The following MIGA2 variants were observed in gnomAD, a reference collection of about 807,000 sequenced individuals.
MIGA2 encodes the protein family with sequence similarity 73, member B.
MIGA2 carries 36 observed loss-of-function variants against 69.9 expected under a neutral mutation model. The observed-to-expected ratio is 0.52, with a 90% confidence interval of 0.39 to 0.68. The LOEUF is 0.68. MIGA2 is among the 30% of genes least tolerant of loss of function. The pLI, the probability that MIGA2 is intolerant of heterozygous loss-of-function variation, is 0.00. For missense variants in MIGA2, 660 were observed against 787.7 expected (o/e 0.84, Z 1.94); for synonymous variants, 333 against 349.2 (o/e 0.95, Z 0.52).
chr9:129,048,577 C>T (rs745961814), intron 4 of MIGA2, 38 bp downstream of exon 4: 25 of 1,544,560 alleles, frequency 1.6e-5, no homozygotes, highest in Middle Eastern at 1.7e-4. Flanking sequence ...GCTCCAGGTC[C>T]GGGCTTACCC....
chr9:129,067,042 A>G lies in MIGA2; in HGVS notation c.1171-731A>G, dbSNP rs549714353. ...TCCCAGCTACTTGGGAGGCTAAGGCAGGAGAATGGCGTGAACCCGGGAGGC... is the reference window on the plus strand; with the variant it reads ...TCCCAGCTACTTGGGAGGCTAAGGCGGGAGAATGGCGTGAACCCGGGAGGC... On this transcript the variant is annotated intron_variant, in intron 11 of 15. Coordinates refer to ENST00000684074, the MANE Select transcript of MIGA2 (RefSeq NM_001329990.2). 4.7e-5 allele frequency among the ~76,000 whole-genome samples: 7 copies of G among 149,352 alleles called. No individual in the cohort carries two copies. The East Asian group carries it at 1.4e-3, about 30-fold the overall frequency.
intron 6 of MIGA2, among the ~76,000 whole-genome samples, chr9:129,056,140 A>C (rs79186142): frequency 9.3e-5 from 14 of 150,192 alleles, no homozygotes; most frequent in Middle Eastern, 6.9e-3. Context: ...AAAAAAAAAA[A>C]AAAAAAAAAC....
intron 11 of MIGA2, among the ~76,000 whole-genome samples, chr9:129,064,991 C>T (rs547188749): frequency 1.3e-5 from 2 of 152,068 alleles, no homozygotes; most frequent in South Asian, 4.2e-4. Flanking sequence ...CTATGTTGCC[C>T]AGGAAGATCT....
chr9:129,058,548 A>G (rs17455580), intron 6 of MIGA2, among the ~76,000 whole-genome samples: 32 of 125,474 alleles, frequency 2.6e-4, no homozygotes, highest in East Asian at 1.8e-3. Context: ...CGCCCAGGCT[A>G]GAGTGCAATG....
rs1250923499 is a variant in MIGA2 at position 129,069,011 on chromosome 9, A to G, written c.1405-65A>G. 5.0e-6 allele frequency: 8 copies of G among 1,595,576 alleles called. No individual in the cohort carries two copies. Among genetic ancestry groups the G allele is most frequent in the African/African-American group, 1.3e-5 (1 of 74,556 alleles). On this transcript the variant is annotated intron_variant, in intron 13 of 15. Coordinates refer to ENST00000684074, the MANE Select transcript of MIGA2 (RefSeq NM_001329990.2). The surrounding 1 kb of genome is among the most constrained non-coding windows in gnomAD (Gnocchi z 4.9). ...TTTAAGGGCTTGGTGCTGGGCTGGC[A>G]GAGGGCGAGGGGCTGTGGGCTAGGC...
intron 6 of MIGA2, among the ~76,000 whole-genome samples, chr9:129,054,352 GGAGGCTGAGGCAGTAGGATCCCTT>G (rs1437638695): frequency 6.6e-6 from 1 of 152,108 alleles, no homozygotes; most frequent in African/African-American, 2.4e-5. Flanking sequence ...CAGCTACTCA[GGAGGCTGAGGCAGTAGGATCCCTT>G]GAGCCCAGAA....
chr9:129,043,775 A>C (rs1310704781), intron 3 of MIGA2, among the ~76,000 whole-genome samples: 1 of 151,154 alleles, frequency 6.6e-6, no homozygotes, highest in Non-Finnish European at 1.5e-5. Context: ...ATCTTGGCTC[A>C]CTGCAACCTC....
chr9:129,045,463 A>AGC (rs1554839072), intron 3 of MIGA2, among the ~76,000 whole-genome samples: 7 of 144,858 alleles, frequency 4.8e-5, no homozygotes, highest in Non-Finnish European at 7.5e-5. Context: ...AAAAAAAAAA[A>AGC]AAAAGCAAAA....
intron 6 of MIGA2, among the ~76,000 whole-genome samples, chr9:129,055,796 C>T (rs1475494064): frequency 6.7e-6 from 1 of 149,240 alleles, no homozygotes; most frequent in African/African-American, 2.5e-5. Flanking sequence ...CTGCAGTGAG[C>T]TGAGATTGCA....
chr9:129,052,564 C>T (rs1845603131), intron 6 of MIGA2, among the ~76,000 whole-genome samples: 2 of 151,932 alleles, frequency 1.3e-5, no homozygotes, highest in Admixed American at 1.3e-4. Context: ...ACCAGTTGAG[C>T]CCAGGAATTT....
At position 129,060,298 on chromosome 9, in the gene MIGA2, C is replaced by T. The variant is rs1246807433; in HGVS notation, c.794-252C>T. Among the ~76,000 whole-genome samples the T allele has an allele frequency of 2.0e-5, 3 of 152,172 alleles. No individual in the cohort carries two copies. Among genetic ancestry groups the T allele is most frequent in the African/African-American group, 4.8e-5 (2 of 41,446 alleles). On this transcript the variant is annotated intron_variant, in intron 7 of 15. Coordinates refer to ENST00000684074, the MANE Select transcript of MIGA2 (RefSeq NM_001329990.2). The surrounding 1 kb of genome is among the most constrained non-coding windows in gnomAD (Gnocchi z 4.8). ...GAGCCTGGCAGAGCCGCTCACCAGC[C>T]GAGGGCTCACACCTGAGGCTGACGA...
chr9:129,042,369 G>T lies in MIGA2; in HGVS notation c.162G>T (p.Gly54=), dbSNP rs756518392. The T allele has an allele frequency of 1.2e-6, 2 of 1,613,642 alleles. No individual in the cohort carries two copies. Among genetic ancestry groups the T allele is most frequent in the Non-Finnish European group, 1.7e-6 (2 of 1,180,054 alleles). ...LRKVLFATAL[G]TVALALAAHQ... ...AAGTCCTCTTTGCCACGGCCCTGGGGACTGTGGCCCTGGCCCTGGCTGCCC... is the reference window on the plus strand; with the variant it reads ...AAGTCCTCTTTGCCACGGCCCTGGGTACTGTGGCCCTGGCCCTGGCTGCCC... Residue 54 remains glycine (G), a synonymous_variant, in exon 3 of 16, where the codon GGG becomes GGT. Coordinates refer to ENST00000684074, the MANE Select transcript of MIGA2 (RefSeq NM_001329990.2).
At chr9:129,063,488 G>A in intron 10 of MIGA2, 57 bp from the exon 11 acceptor site, 1 of 1,600,182 alleles carries the variant, frequency 6.2e-7, no homozygotes, top group Non-Finnish European at 8.6e-7. Flanking sequence ...CCTCTCCGTG[G>A]GCTTTGAGGG....
At chr9:129,047,781 A>G (rs1057313933) in intron 3 of MIGA2, among the ~76,000 whole-genome samples, 1 of 151,828 alleles carries the variant, frequency 6.6e-6, no homozygotes, top group Non-Finnish European at 1.5e-5. Context: ...CCAGTCTGGA[A>G]TGAAGTATTG....
At chr9:129,050,115 C>A in intron 6 of MIGA2, 152 bp downstream of exon 6, 1 of 1,097,852 alleles carries the variant, frequency 9.1e-7, no homozygotes, top group Non-Finnish European at 1.3e-6. Flanking sequence ...CAAAACAATT[C>A]ATGTCACGTG....
intron 1 of MIGA2, among the ~76,000 whole-genome samples, chr9:129,038,264 T>C (rs1456923037): frequency 6.6e-5 from 10 of 152,200 alleles, no homozygotes; most frequent in Admixed American, 5.9e-4. Context: ...AGAGCGAGAC[T>C]GACAGGCTCC....
chr9:129,050,595 G>A (rs1182301352), intron 6 of MIGA2, among the ~76,000 whole-genome samples: 2 of 128,472 alleles, frequency 1.6e-5, no homozygotes, highest in Non-Finnish European at 3.2e-5. Context: ...TTTTTGAAAT[G>A]GAGTCTTGCA....
chr9:129,043,125 C>T (rs952323787), intron 3 of MIGA2, among the ~76,000 whole-genome samples: 5 of 151,242 alleles, frequency 3.3e-5, no homozygotes, highest in Admixed American at 1.3e-4. Flanking sequence ...ACCCAGGAGG[C>T]GGAGCTTGCA....
intron 6 of MIGA2, among the ~76,000 whole-genome samples, chr9:129,056,830 T>A (rs1343126110): frequency 6.6e-6 from 1 of 152,040 alleles, no homozygotes; most frequent in Non-Finnish European, 1.5e-5. Flanking sequence ...GCTCAGGAGT[T>A]CAAAACCAGC....
Sources: gnomAD v4.1 joint callset for allele counts (sites outside exome capture counted in the v4.1 genomes callset) on GRCh38, gnomAD v4.1.1 for gene constraint, Gnocchi (gnomAD v3.1) non-coding constraint, MANE v1.5 for transcripts, NCBI Gene and HGNC (gene_info 2026-07-23, HGNC 2026-07-21) for gene names.